The following MYH7 variants were observed in gnomAD, a reference collection of about 807,000 sequenced individuals.
The protein encoded by MYH7 is myosin heavy chain 7, also known as myosin-7.
A neutral mutation model predicts 225.4 loss-of-function variants in MYH7; 129 were observed. The observed-to-expected ratio is 0.57, with a 90% confidence interval of 0.50 to 0.66. The LOEUF is 0.66. MYH7 is among the 30% of genes least tolerant of loss of function. The pLI, the probability that MYH7 is intolerant of heterozygous loss-of-function variation, is 0.00. For missense variants in MYH7, 1,649 were observed against 2,517.0 expected, an observed-to-expected ratio of 0.66 and a Z score of 7.38; for synonymous variants, 971 against 1,007.6, an observed-to-expected ratio of 0.96 and a Z score of 0.69.
chr14:23,415,046 C>T lies in MYH7; in HGVS notation c.5508G>A (p.Ser1836=), dbSNP rs754171610. ...LEAEQKRNAE[S]VKGMRKSERR... ...GCTCGCTCTTCCTCATGCCCTTCAC[C>T]GACTCTGCGTTGCGCTTCTGCTCGG... The change falls in exon 37 of 40, where the codon TCG becomes TCA. Residue 1836 remains serine, a synonymous_variant. Transcript: ENST00000355349. This position sits in a 1 kb window ranked among gnomAD's most constrained non-coding sequence, Gnocchi z 6.3. The T allele has an allele frequency of 1.9e-5, 31 of 1,612,280 alleles. No individual in the cohort carries two copies. The Middle Eastern group carries it at 6.6e-4, about 34-fold the overall frequency.
intron 11 of MYH7, among the ~76,000 whole-genome samples, 179 bp downstream of exon 11, chr14:23,430,381 A>T (rs906214641): frequency 6.6e-6 from 1 of 152,144 alleles, no homozygotes; most frequent in South Asian, 2.1e-4. Flanking sequence ...GATACTGGCC[A>T]GTCCTGTCTC....
At position 23,415,102 on chromosome 14, in the gene MYH7, G is replaced by A. The variant is rs763073072; in HGVS notation, c.5452C>T (p.Arg1818Trp). ...GKKQLQKLEA[R>W]VRELENELEA... The stretch of plus-strand genomic sequence containing the variant: ...AGCTCATTCTCCAGCTCCCGCACCC[G>A]CGCTTCCAGCTTCTGCAGCTGCTTC... Residue 1818 changes from arginine (R) to tryptophan (W), a missense_variant, in exon 37 of 40, where the codon CGG becomes TGG. Physicochemically the swap from Arg to Trp is moderately radical, Grantham distance 101 (BLOSUM62 -3). This residue lies in a region of MYH7 where 687 missense variants were observed against 913.8 expected (regional missense o/e 0.75). Coordinates refer to ENST00000355349, the MANE Select transcript of MYH7 (RefSeq NM_000257.4). This position sits in a 1 kb window ranked among gnomAD's most constrained non-coding sequence, Gnocchi z 6.3. The A allele has an allele frequency of 5.0e-6, 8 of 1,614,026 alleles. No individual in the cohort carries two copies. Among genetic ancestry groups the A allele is most frequent in the Admixed American group, 3.3e-5 (2 of 60,026 alleles).
At chr14:23,424,732 C>T (rs770120297) in intron 22 of MYH7, 37 bp downstream of exon 22, 6 of 1,612,592 alleles carry the variant, frequency 3.7e-6, no homozygotes, top group Non-Finnish European at 5.1e-6. Context: ...GAAGGCAGAG[C>T]AGGGTGGAAG....
intron 6 of MYH7, 60 bp downstream of exon 6, chr14:23,432,419 G>T: frequency 6.2e-7 from 1 of 1,604,838 alleles, no homozygotes; most frequent in South Asian, 1.1e-5. Context: ...GACACCTGAT[G>T]GGGCTGGAGG....
In MYH7 at chr14:23,430,670, GA is replaced by G. The variant is rs781117720; in HGVS notation, c.896-8del. 4 of 1,610,662 alleles carry G rather than the reference GA, an allele frequency of 2.5e-6. No homozygotes were observed. The highest frequency in any genetic ancestry group is 3.4e-6 in the Non-Finnish European group (4 of 1,176,926). On this transcript the variant is annotated splice_polypyrimidine_tract_variant and splice_region_variant and intron_variant, in intron 10 of 39. Transcript: ENST00000355349. Reference sequence around the variant, plus strand: ...TTGGTGATCAGCAGCATGTCTAGGGGAAAAAACATGGTTAGGGTGGGACACA... The same window carrying G: ...TTGGTGATCAGCAGCATGTCTAGGGGAAAAACATGGTTAGGGTGGGACACA...
Position 23,427,833 on chromosome 14 carries a change from G to C in MYH7, c.1640C>G (p.Thr547Ser). Reference protein sequence around the residue: ...ECMFPKATDMTFKAKLFDNHL... With the variant: ...ECMFPKATDMSFKAKLFDNHL... ...GTTGTCAAACAGCTTGGCCTTGAAGGTCATGTCGGTGGCCTTGGGGAACAT... is the reference window on the plus strand; with the variant it reads ...GTTGTCAAACAGCTTGGCCTTGAAGCTCATGTCGGTGGCCTTGGGGAACAT... Residue 547 changes from threonine (T) to serine (S), a missense_variant, in exon 16 of 40, where the codon ACC (threonine) becomes AGC (serine). This residue lies in a region of MYH7 where 76 missense variants were observed against 233.8 expected (regional missense o/e 0.33). Transcript: ENST00000355349. The C allele has an allele frequency of 6.2e-7, 1 of 1,614,236 alleles. No homozygotes were observed. The highest frequency in any genetic ancestry group is 8.5e-7 in the Non-Finnish European group (1 of 1,180,044).
rs200444892 is a variant in MYH7, at chr14:23,432,667, G to A, written c.474C>T (p.Ser158=). 111 of 1,614,112 alleles carry A rather than the reference G, an allele frequency of 6.9e-5. 1 individual carries two copies. In the East Asian group the frequency reaches 6.9e-4, roughly 10 times the overall value. ...TCAGCATGTACTGATAGGCGTTGTC[G>A]GAGATGGAGAAGATGTGGGGCGGGG... ...SEAPPHIFSI[S]DNAYQYMLTD... Residue 158 remains serine (S), a synonymous_variant, in exon 5 of 40, where the codon TCC becomes TCT. Transcript: ENST00000355349.
At chr14:23,418,082 G>A in intron 30 of MYH7, 128 bp downstream of exon 30, 3 of 1,384,688 alleles carry the variant, frequency 2.2e-6, no homozygotes, top group Non-Finnish European at 3.1e-6. Flanking sequence ...GTGGGGCCGG[G>A]GCAGAGTCCT....
chr14:23,419,684 A>C (rs1892388270), intron 27 of MYH7, 75 bp from the exon 28 acceptor site: 1 of 1,612,872 alleles, frequency 6.2e-7, no homozygotes, highest in South Asian at 1.1e-5. Context: ...GTGCAACTGA[A>C]GGAGAAAAGA....
Position 23,430,599 on chromosome 14 carries a change from C to T in MYH7, c.960G>A (p.Val320=), listed in dbSNP as rs777576706. 1 of 1,614,126 alleles carries T rather than the reference C, an allele frequency of 6.2e-7. No homozygotes were observed. Among genetic ancestry groups the T allele is most frequent in the South Asian group, 1.1e-5 (1 of 91,066 alleles). Residue 320 remains valine (V), a synonymous_variant, in exon 11 of 40, where the codon GTG becomes GTA. Transcript: ENST00000355349. Reference sequence around the variant, plus strand: ...GCTCCTCAGCGTCATCAATGGAGGCCACGGTGGTCTCTCCTTGGGAGATGA... The same window carrying T: ...GCTCCTCAGCGTCATCAATGGAGGCTACGGTGGTCTCTCCTTGGGAGATGA... ...YAFISQGETT[V]ASIDDAEELM...
In MYH7 at chr14:23,427,261, C is replaced by T. The variant is rs762621798; in HGVS notation, c.1935G>A (p.Gln645=). The T allele has an allele frequency of 6.2e-7, 1 of 1,614,078 alleles. No individual in the cohort carries two copies. Among genetic ancestry groups the T allele is most frequent in the Non-Finnish European group, 8.5e-7 (1 of 1,180,024 alleles). The change falls in exon 17 of 40, where the codon CAG becomes CAA. Residue 645 remains glutamine, a synonymous_variant. Transcript: ENST00000355349. ...KGKAKKGSSF[Q]TVSALHRENL... is the part of the protein sequence containing the mutation. The stretch of plus-strand genomic sequence containing the variant: ...TCACCCTGTGCAGAGCTGACACAGT[C>T]TGAAAGGACGAGCCTTTCTTGGCCT...
Position 23,429,795 on chromosome 14 carries a change from G to C in MYH7, c.1118C>G (p.Ala373Gly), listed in dbSNP as rs730880924. The change falls in exon 12 of 40, where the codon GCG (alanine) becomes GGG (glycine). Residue 373 changes from alanine to glycine, a missense_variant. Transcript: ENST00000355349. ...KFKLKQREEQ[A>G]EPDGTEEADK... is the part of the protein sequence containing the mutation. ...CCCACCTTCAGTGCCGTCTGGCTCC[G>C]CCTGCTCCTCCCGCTGCTTCAGCTT... 6.2e-7 allele frequency: 1 copy of C among 1,612,602 alleles called. No individual in the cohort carries two copies. The highest frequency in any genetic ancestry group is 8.5e-7 in the Non-Finnish European group (1 of 1,179,956).
chr14:23,432,895 G>A, intron 4 of MYH7, 100 bp from the exon 5 acceptor site: 1 of 1,548,570 alleles, frequency 6.5e-7, no homozygotes, highest in Non-Finnish European at 8.9e-7. Context: ...GAAGAGAAAG[G>A]AAAACCTCTG....
chr14:23,427,573 G>T lies in MYH7; in HGVS notation c.1888+12C>A. The T allele has an allele frequency of 6.2e-7, 1 of 1,613,860 alleles. No individual in the cohort carries two copies. The highest frequency in any genetic ancestry group is 8.5e-7 in the Non-Finnish European group (1 of 1,179,936). ...CTGCTCCTCTGTACCGGGAGCCTCA[G>T]TCCCTACTTACGCGCATCAGCCCCA... On this transcript the variant is annotated intron_variant, in intron 16 of 39. Coordinates refer to ENST00000355349, the MANE Select transcript of MYH7 (RefSeq NM_000257.4).
Position 23,415,357 on chromosome 14 carries a change from G to C in MYH7, c.5283+24C>G. 1.2e-6 allele frequency: 2 copies of C among 1,614,172 alleles called. No homozygotes were observed. Among genetic ancestry groups the C allele is most frequent in the Non-Finnish European group, 8.5e-7 (1 of 1,180,036 alleles). On this transcript the variant is annotated intron_variant, in intron 36 of 39. Transcript: ENST00000355349. The surrounding 1 kb of genome is among the most constrained non-coding windows in gnomAD (Gnocchi z 6.3). ...CCACGGAGAGACACTGGTCTGGATC[G>C]GGTCGGTGGAGTGGGGGACTTACAT... is the stretch of plus-strand genomic sequence containing the variant.
In MYH7 at chr14:23,425,364, G is replaced by A. The variant is rs1348730180; in HGVS notation, c.2341C>T (p.Leu781=). 6.2e-7 allele frequency: 1 copy of A among 1,614,064 alleles called. No individual in the cohort carries two copies. Among genetic ancestry groups the A allele is most frequent in the African/African-American group, 1.3e-5 (1 of 74,900 alleles). ...TGGATACGCGTGATGATGCGGCTCA[G>A]CCTCTCGTCCCTCATTTCCTCCAGC... ...GLLEEMRDER[L]SRIITRIQAQ... The change falls in exon 21 of 40, where the codon CTG becomes TTG. Residue 781 remains leucine (L), a synonymous_variant. Transcript: ENST00000355349. The surrounding 1 kb of genome is among the most constrained non-coding windows in gnomAD (Gnocchi z 4.6).
Position 23,433,425 on chromosome 14 carries a change from G to T in MYH7, c.201+107C>A. ...ATTCTTCCCCAAAGGGAAGGAGAAT[G>T]GGACCATCCTCAGGTCTGCATGGGC... On this transcript the variant is annotated intron_variant, in intron 3 of 39. Coordinates refer to ENST00000355349, the MANE Select transcript of MYH7 (RefSeq NM_000257.4). The surrounding 1 kb of genome is among the most constrained non-coding windows in gnomAD (Gnocchi z 4.1). The T allele has an allele frequency of 6.8e-7, 1 of 1,461,678 alleles. No individual in the cohort carries two copies. Among genetic ancestry groups the T allele is most frequent in the Non-Finnish European group, 9.5e-7 (1 of 1,052,322 alleles). The allele number at this position is 1,461,678 out of a possible 1,614,324, so 90.5% of individuals were successfully genotyped here. A position where few individuals can be genotyped will look rare whatever the true frequency, so the allele number is the denominator to read the frequency against.
rs776921449 is a variant in MYH7 at position 23,417,564 on chromosome 14, T to C, written c.4292A>G (p.Asp1431Gly). 6.2e-7 allele frequency: 1 copy of C among 1,612,418 alleles called. No homozygotes were observed. The highest frequency in any genetic ancestry group is 1.7e-5 in the Admixed American group (1 of 60,038). Residue 1431 changes from aspartate (D) to glycine (G), a missense_variant, in exon 31 of 40, where the codon GAC becomes GGC. Around this residue, in one of 12 missense-constraint regions of MYH7, gnomAD observed 687 missense variants for 913.8 expected, o/e 0.75. Coordinates refer to ENST00000355349, the MANE Select transcript of MYH7 (RefSeq NM_000257.4). ...AGCAGCAGCATTGGAGCGCTCTACGTCCACCATCAAGTCCTCGATCTCATT... is the reference window on the plus strand; with the variant it reads ...AGCAGCAGCATTGGAGCGCTCTACGCCCACCATCAAGTCCTCGATCTCATT... ...LQNEIEDLMV[D>G]VERSNAAAAA...
intron 1 of MYH7, 131 bp downstream of exon 1, chr14:23,435,489 C>T (rs1409758142): frequency 6.6e-6 from 1 of 152,258 alleles, no homozygotes; most frequent in East Asian, 1.9e-4. Flanking sequence ...TAGACCTGCA[C>T]ATGTGTGCCC....
Sources: gnomAD v4.1 joint callset for allele counts (sites outside exome capture counted in the v4.1 genomes callset) on GRCh38, gnomAD v4.1.1 for gene constraint, gnomAD v4.1.1 regional missense constraint, Gnocchi (gnomAD v3.1) non-coding constraint, MANE v1.5 for transcripts, NCBI Gene and HGNC (gene_info 2026-07-23, HGNC 2026-07-21) for gene names.